DGKH: variants seen among roughly 807,000 people sequenced by gnomAD.
The protein encoded by DGKH is DAG kinase eta.
DGKH carries 90 observed loss-of-function variants against 159.3 expected under a neutral mutation model. The ratio of observed to expected loss-of-function variants is 0.57; its 90% CI spans 0.48 to 0.67. The LOEUF is 0.67. Ranked by LOEUF, DGKH falls within the 30% of genes least tolerant of loss-of-function variation. The pLI is 0.00. For synonymous variants in DGKH, 536 were observed against 553.8 expected (o/e 0.97, Z 0.45); for missense variants, 1,181 against 1,506.1 (o/e 0.78, Z 3.57).
At chr13:42,191,264 A>G (rs12854131) in intron 16 of DGKH, among the ~76,000 whole-genome samples, 1 of 152,120 alleles carries the variant, frequency 6.6e-6, no homozygotes, top group African/African-American at 2.4e-5. Context: ...AAATAAATAC[A>G]TGGCACTTAT....
intron 28 of DGKH, chr13:42,221,056 T>TG: frequency 1.9e-6 from 1 of 519,864 alleles, no homozygotes. Context: ...CGGCAGCAAA[T>TG]GGTTTTGTAT....
chr13:42,149,920 A>G (rs1186168187), intron 3 of DGKH, among the ~76,000 whole-genome samples: 1 of 152,200 alleles, frequency 6.6e-6, no homozygotes, highest in African/African-American at 2.4e-5. Context: ...ACTTGGAGAC[A>G]CTAGGCAAAC....
intron 2 of DGKH, among the ~76,000 whole-genome samples, chr13:42,129,082 G>C (rs993862919): frequency 6.6e-6 from 1 of 152,154 alleles, no homozygotes; most frequent in Admixed American, 6.5e-5. Context: ...TCATTTGAAC[G>C]CATAGTTATA....
Position 42,117,992 on chromosome 13 carries a change from C to T in DGKH, c.193-9471C>T, listed in dbSNP as rs879635165. Among the ~76,000 whole-genome samples, 12 of 152,170 alleles carry T rather than the reference C, an allele frequency of 7.9e-5. No individual in the cohort carries two copies. In the Middle Eastern group the frequency reaches 0.01, roughly 129 times the overall value. On this transcript the variant is annotated intron_variant, in intron 1 of 29. Coordinates refer to ENST00000337343, the MANE Select transcript of DGKH (RefSeq NM_178009.5). ...CAGCACTTTGGGAGGCCGAGACAGG[C>T]GGATCACGAGGTCAGGAGATGGAGA... is the stretch of plus-strand genomic sequence containing the variant.
chr13:42,212,476 G>A (rs1263496651), intron 24 of DGKH, among the ~76,000 whole-genome samples: 2 of 152,202 alleles, frequency 1.3e-5, no homozygotes, highest in African/African-American at 4.8e-5. Context: ...GACAACTTCT[G>A]TGGCCTCTAA....
In DGKH at chr13:42,108,230, A is replaced by G. The variant is rs142676303; in HGVS notation, c.193-19233A>G. Among the ~76,000 whole-genome samples, 10 of 152,320 alleles carry G rather than the reference A, an allele frequency of 6.6e-5. No individual in the cohort carries two copies. The East Asian group carries it at 1.7e-3, about 26-fold the overall frequency. ...AGGCAAGAATAATAAAATCACAAGC[A>G]TTAGGTCACTGGGCACAGGAGCAAA... On this transcript the variant is annotated intron_variant, in intron 1 of 29. Coordinates refer to ENST00000337343, the MANE Select transcript of DGKH (RefSeq NM_178009.5).
chr13:42,225,140 C>A, intron 29 of DGKH: 1 of 674,406 alleles, frequency 1.5e-6, no homozygotes, highest in Admixed American at 3.3e-5. Context: ...CCAGGCTGGT[C>A]TTGAACTCCT....
At chr13:42,044,673 G>A (rs1360195286), upstream of DGKH, among the ~76,000 whole-genome samples, 1 of 152,206 alleles carries the variant, frequency 6.6e-6, no homozygotes, top group African/African-American at 2.4e-5. Flanking sequence ...AGTTAGTTAA[G>A]CGAACCATTT....
intron 21 of DGKH, among the ~76,000 whole-genome samples, chr13:42,207,046 TTTCC>T (rs1234843881): frequency 7.7e-5 from 9 of 116,680 alleles, no homozygotes; most frequent in East Asian, 2.4e-4. Flanking sequence ...TCTTTCCTTC[TTTCC>T]TTCTTTCCTT....
chr13:42,057,131 A>C lies in DGKH; in HGVS notation c.192+8166A>C, dbSNP rs548412265. The stretch of plus-strand genomic sequence containing the variant: ...ATTTTAGAAAAAAATGCTTCTAGGT[A>C]CCTAACTCTTCAAATAGGTTTTCAA... On this transcript the variant is annotated intron_variant, in intron 1 of 29. Transcript: ENST00000337343. Among the ~76,000 whole-genome samples the C allele has an allele frequency of 4.6e-5, 7 of 152,032 alleles. No individual in the cohort carries two copies. In the South Asian group the frequency reaches 1.5e-3, roughly 32 times the overall value.
intron 3 of DGKH, among the ~76,000 whole-genome samples, chr13:42,147,364 C>G (rs1404351378): frequency 6.6e-6 from 1 of 152,150 alleles, no homozygotes; most frequent in Non-Finnish European, 1.5e-5. Flanking sequence ...TTTTTGCTAT[C>G]ATTTTCATAG....
chr13:42,061,397 A>G (rs1882157562), intron 1 of DGKH, among the ~76,000 whole-genome samples: 3 of 152,280 alleles, frequency 2.0e-5, no homozygotes, highest in South Asian at 2.1e-4. Context: ...TTTGTTAGAA[A>G]ATGATTTGGG....
chr13:42,105,959 A>C (rs1436823999), intron 1 of DGKH, among the ~76,000 whole-genome samples: 1 of 152,106 alleles, frequency 6.6e-6, no homozygotes, highest in East Asian at 1.9e-4. Context: ...TATGTGAATA[A>C]TTAAACCTGA....
chr13:42,063,349 G>C (rs184178652), intron 1 of DGKH, among the ~76,000 whole-genome samples: 1 of 152,304 alleles, frequency 6.6e-6, no homozygotes, highest in African/African-American at 2.4e-5. Context: ...TGAGGGGAAA[G>C]TGAGTAGCAG....
chr13:42,122,620 A>G (rs769434147), intron 1 of DGKH, among the ~76,000 whole-genome samples: 30 of 152,212 alleles, frequency 2.0e-4, no homozygotes, highest in Non-Finnish European at 3.7e-4. Flanking sequence ...AGGTCTCAAC[A>G]CTGCCATATT....
At chr13:42,193,929 T>C (rs1957144375) in intron 16 of DGKH, among the ~76,000 whole-genome samples, 1 of 152,240 alleles carries the variant, frequency 6.6e-6, no homozygotes, top group Non-Finnish European at 1.5e-5. Context: ...TACCATTTGC[T>C]CTGCATTAAC....
In DGKH at chr13:42,159,264, A is replaced by ATTTTTTAAATTAAAG; in HGVS notation, c.623-2_623-1insTTTTTTAAATTAAAG. 5 of 99,100 alleles carry ATTTTTTAAATTAAAG rather than the reference A, an allele frequency of 5.0e-5. No homozygotes were observed. The highest frequency in any genetic ancestry group is 8.0e-5 in the Non-Finnish European group (5 of 62,602). 6.1% of individuals were successfully genotyped at this position (99,100 alleles called of 1,614,324 possible). ...TTGCTCTTTTTTTTTTTTTTTTTTT[A>ATTTTTTAAATTAAAG]GTGTGTAAATTCAAGGCTCACAAAA... On this transcript the variant is annotated splice_acceptor_variant, in intron 5 of 29. Transcript: ENST00000337343. LOFTEE classifies it high-confidence loss of function.
intron 1 of DGKH, among the ~76,000 whole-genome samples, chr13:42,091,447 A>C (rs1307385713): frequency 6.6e-6 from 1 of 152,170 alleles, no homozygotes; most frequent in Non-Finnish European, 1.5e-5. Context: ...AATGAAAAGA[A>C]CTCCTACAAT....
chr13:42,127,396 G>T, intron 1 of DGKH, 67 bp from the exon 2 acceptor site: 1 of 1,114,614 alleles, frequency 9.0e-7, no homozygotes, highest in Non-Finnish European at 1.4e-6. Flanking sequence ...ATGCACCATT[G>T]GCTCTGAATT....
Sources: gnomAD v4.1 joint callset for allele counts (sites outside exome capture counted in the v4.1 genomes callset) on GRCh38, gnomAD v4.1.1 for gene constraint, MANE v1.5 for transcripts, NCBI Gene and HGNC (gene_info 2026-07-23, HGNC 2026-07-21) for gene names.